Variants in GNB4 observed in about 807,000 individuals in gnomAD.
GNB4 encodes guanine nucleotide-binding protein subunit beta-4.
GNB4 carries 28 observed loss-of-function variants against 45.2 expected under a neutral mutation model. The observed-to-expected ratio is 0.62, with a 90% confidence interval of 0.46 to 0.85. The LOEUF (loss-of-function observed/expected upper bound fraction) is 0.85, where lower values mean the gene tolerates loss of function less well. Ranked by LOEUF, GNB4 falls within the 40% of genes least tolerant of loss-of-function variation. GNB4 has a pLI of 0.00. For missense variants in GNB4, 321 were observed against 425.4 expected (o/e 0.75, Z 2.16); for synonymous variants, 132 against 143.7 (o/e 0.92, Z 0.58).
At chr3:179,510,564 A>T in the GNB4 span, among the ~76,000 whole-genome samples, 1 of 151,884 alleles carries the variant, frequency 6.6e-6, no homozygotes, top group Non-Finnish European at 1.5e-5. Context: ...CAGAGGGGGG[A>T]AAAGATGCCT....
chr3:179,438,569 C>T lies in GNB4; in HGVS notation c.-42-12327G>A, dbSNP rs1443801187. Among the ~76,000 whole-genome samples, 3 of 152,268 alleles carry T rather than the reference C, an allele frequency of 2.0e-5. No homozygotes were observed. In the East Asian group the frequency reaches 5.8e-4, roughly 29 times the overall value. Reference sequence around the variant, plus strand: ...TGATTAATTGACAGATCTAATAGTACAGTGCTCTAAACAAAAATGGAAAAA... The same window carrying T: ...TGATTAATTGACAGATCTAATAGTATAGTGCTCTAAACAAAAATGGAAAAA... On this transcript the variant is annotated intron_variant, in intron 1 of 9. Transcript: ENST00000232564.
At chr3:179,416,678 T>C in intron 4 of GNB4, 122 bp from the exon 5 acceptor site, 1 of 511,806 alleles carries the variant, frequency 2.0e-6, no homozygotes. Flanking sequence ...AAAAACTTGA[T>C]ACCAAAAAAT....
chr3:179,403,566 G>A (rs1714370481), intron 9 of GNB4, among the ~76,000 whole-genome samples: 1 of 152,130 alleles, frequency 6.6e-6, no homozygotes, highest in Non-Finnish European at 1.5e-5. Flanking sequence ...GCTGAGGTGG[G>A]CAGATCACCT....
At chr3:179,527,764 T>C in the GNB4 span, among the ~76,000 whole-genome samples, 1 of 149,196 alleles carries the variant, frequency 6.7e-6, no homozygotes, top group South Asian at 2.1e-4. Flanking sequence ...GGATAGAAGA[T>C]TGCTGATAAG....
Position 179,400,434 on chromosome 3 carries a change from T to C in GNB4, c.*779A>G, listed in dbSNP as rs1714258018. ...AAATGAAAAGGAAAGTCCAGCTATTTAGGGGGGTACTCAAAGTGTCAACTG... is the reference window on the plus strand; with the variant it reads ...AAATGAAAAGGAAAGTCCAGCTATTCAGGGGGGTACTCAAAGTGTCAACTG... On this transcript the variant is annotated 3_prime_UTR_variant, in exon 10 of 10. Transcript: ENST00000232564. 6.6e-6 allele frequency: 1 copy of C among 152,230 alleles called. No homozygotes were observed. Among genetic ancestry groups the C allele is most frequent in the Non-Finnish European group, 1.5e-5 (1 of 68,046 alleles). 9.4% of individuals were successfully genotyped at this position (152,230 alleles called of 1,614,324 possible). A position where few individuals can be genotyped will look rare whatever the true frequency, so the allele number is the denominator to read the frequency against.
chr3:179,473,557 T>TC, the GNB4 span, among the ~76,000 whole-genome samples: 1 of 152,106 alleles, frequency 6.6e-6, no homozygotes, highest in Non-Finnish European at 1.5e-5. Flanking sequence ...CACCTCAGCC[T>TC]CCCAAAGTGC....
intron 1 of GNB4, among the ~76,000 whole-genome samples, chr3:179,441,744 T>C (rs1268536614): frequency 1.7e-5 from 2 of 116,060 alleles, no homozygotes; most frequent in Admixed American, 9.4e-5. Context: ...AGAGTGAGAC[T>C]CCATCTCAAA....
At chr3:179,421,932 T>C (rs1044223991) in intron 2 of GNB4, among the ~76,000 whole-genome samples, 1 of 152,204 alleles carries the variant, frequency 6.6e-6, no homozygotes, top group African/African-American at 2.4e-5. Context: ...GCCTGAACCA[T>C]GTTCCAAAAA....
chr3:179,468,035 A>AAAAATATATATATATATATATATAT, the GNB4 span, among the ~76,000 whole-genome samples: 21 of 89,856 alleles, frequency 2.3e-4, no homozygotes, highest in East Asian at 3.3e-4. Context: ...TGTTGATAAA[A>AAAAATATATATATATATATATATAT]ATATATATAT....
chr3:179,498,698 G>T, the GNB4 span, among the ~76,000 whole-genome samples: 13 of 150,746 alleles, frequency 8.6e-5, no homozygotes, highest in East Asian at 3.9e-4. Context: ...CTCCCAAAAT[G>T]CTGGGATTAC....
At chr3:179,404,146 A>G (rs952600245) in intron 9 of GNB4, among the ~76,000 whole-genome samples, 6 of 152,200 alleles carry the variant, frequency 3.9e-5, no homozygotes, top group African/African-American at 1.4e-4. Flanking sequence ...ACTCTAGAAA[A>G]TACAAAAAAG....
At chr3:179,405,490 A>G (rs1199498791) in intron 8 of GNB4, 84 bp from the exon 9 acceptor site, 2 of 964,040 alleles carry the variant, frequency 2.1e-6, no homozygotes, top group African/African-American at 3.3e-5. Context: ...AATCTAGATT[A>G]ATATTCCAAC....
intron 9 of GNB4, among the ~76,000 whole-genome samples, chr3:179,404,959 C>T (rs1358828979): frequency 1.3e-5 from 2 of 152,154 alleles, no homozygotes; most frequent in African/African-American, 2.4e-5. Context: ...CTGAAGTCTA[C>T]CAAATAAGAA....
intron 4 of GNB4, among the ~76,000 whole-genome samples, chr3:179,417,564 C>T (rs111673381): frequency 0.015 from 2,356 of 152,120 alleles, 72 homozygotes; most frequent in African/African-American, 0.054. Flanking sequence ...TGCACCACCA[C>T]GACTGGTAAG....
At chr3:179,424,433 C>G (rs1181906297) in intron 2 of GNB4, among the ~76,000 whole-genome samples, 1 of 152,172 alleles carries the variant, frequency 6.6e-6, no homozygotes, top group African/African-American at 2.4e-5. Flanking sequence ...GTTGAGATAC[C>G]TAAGATTTCA....
the GNB4 span, among the ~76,000 whole-genome samples, chr3:179,500,980 C>CTGAGATGATGGGGTTTTCTAAA: frequency 6.6e-6 from 1 of 152,118 alleles, no homozygotes; most frequent in Non-Finnish European, 1.5e-5. Context: ...AGATTTTGGG[C>CTGAGATGATGGGGTTTTCTAAA]TGAGATGATG....
intron 9 of GNB4, among the ~76,000 whole-genome samples, chr3:179,404,128 A>G (rs1356809512): frequency 1.3e-5 from 2 of 152,232 alleles, no homozygotes; most frequent in Admixed American, 6.5e-5. Context: ...ATATAAACCA[A>G]AAAATTAACT....
intron 1 of GNB4, among the ~76,000 whole-genome samples, chr3:179,432,842 A>G (rs545596406): frequency 6.6e-6 from 1 of 152,188 alleles, no homozygotes; most frequent in South Asian, 2.1e-4. Context: ...TAGTTTAATA[A>G]GAAACAGAAA....
chr3:179,501,124 A>G, the GNB4 span, among the ~76,000 whole-genome samples: 27 of 152,156 alleles, frequency 1.8e-4, no homozygotes, highest in African/African-American at 6.0e-4. Context: ...TATTCCTTGA[A>G]GGGGAATCTG....
Sources: allele counts gnomAD v4.1 joint callset (sites outside exome capture counted in the v4.1 genomes callset), GRCh38; gene constraint gnomAD v4.1.1; transcripts MANE v1.5; gene names NCBI Gene and HGNC (gene_info 2026-07-23, HGNC 2026-07-21).